The following EARS2 variants were observed in gnomAD, a reference collection of about 807,000 sequenced individuals.
EARS2 encodes the protein nondiscriminating glutamyl-tRNA synthetase EARS2, mitochondrial.
EARS2 carries 50 observed loss-of-function variants against 54.1 expected under a neutral mutation model. The ratio of observed to expected loss-of-function variants is 0.92; its 90% CI spans 0.74 to 1.17. The LOEUF (loss-of-function observed/expected upper bound fraction) is 1.17. Ranked by LOEUF, EARS2 falls within the 50% of genes most tolerant of loss-of-function variation. The pLI, the probability that EARS2 is intolerant of heterozygous loss-of-function variation, is 0.00. For synonymous variants in EARS2, 298 were observed against 281.0 expected, an observed-to-expected ratio of 1.06 and a Z score of -0.61; for missense variants, 673 against 675.0, an observed-to-expected ratio of 1.00 and a Z score of 0.03.
chr16:23,523,162 T>C lies in EARS2; in HGVS notation c.*1209A>G, dbSNP rs1024780924. On this transcript the variant is annotated 3_prime_UTR_variant, in exon 9 of 9. Coordinates refer to ENST00000449606, the MANE Select transcript of EARS2 (RefSeq NM_001083614.2). The stretch of plus-strand genomic sequence containing the variant: ...GGGTGTGAATAGAAGAAGGCAGGGA[T>C]GGTTGGGGGCCAACTTAGAGGCTGG... 3.3e-5 allele frequency: 5 copies of C among 152,294 alleles called. No homozygotes were observed. Among genetic ancestry groups the C allele is most frequent in the African/African-American group, 4.8e-5 (2 of 41,458 alleles). The allele number at this position is 152,294 out of a possible 1,614,324, so 9.4% of individuals were successfully genotyped here. A position where few individuals can be genotyped will look rare whatever the true frequency, so the allele number is the denominator to read the frequency against.
At chr16:23,539,161 T>C (rs546036173) in intron 3 of EARS2, among the ~76,000 whole-genome samples, 67 of 152,012 alleles carry the variant, frequency 4.4e-4, no homozygotes, top group African/African-American at 1.5e-3. Context: ...TACTTTAATA[T>C]AGATAGGGTT....
At position 23,520,760 on chromosome 16, in the gene EARS2, A is replaced by G. The variant is rs976402154; in HGVS notation, c.*3611T>C. Among the ~76,000 whole-genome samples, 5 of 151,428 alleles carry G rather than the reference A, an allele frequency of 3.3e-5. No individual in the cohort carries two copies. The highest frequency in any genetic ancestry group is 6.6e-5 in the Admixed American group (1 of 15,218). ...ATAGCACAGCACACTTCACTTGAGG[A>G]AGTAGCAACAGCTTTATTAATTTCG... On this transcript the variant is annotated 3_prime_UTR_variant, in exon 9 of 9. Transcript: ENST00000449606.
At chr16:23,554,396 G>A (rs956849033) in intron 1 of EARS2, among the ~76,000 whole-genome samples, 1 of 152,126 alleles carries the variant, frequency 6.6e-6, no homozygotes, top group Non-Finnish European at 1.5e-5. Flanking sequence ...CTCTTCATCA[G>A]TTTAAACTCC....
intron 3 of EARS2, among the ~76,000 whole-genome samples, chr16:23,539,508 T>C (rs536680876): frequency 2.4e-4 from 37 of 152,318 alleles, no homozygotes; most frequent in African/African-American, 8.9e-4. Flanking sequence ...GTTGTTACCT[T>C]ACTGTTTAGT....
At chr16:23,545,588 G>A (rs11643602) in intron 2 of EARS2, among the ~76,000 whole-genome samples, 112,379 of 152,062 alleles carry the variant, frequency 0.74, 42,035 homozygotes, top group Non-Finnish European at 0.81. Flanking sequence ...GAAGGGGCAC[G>A]ATCAGCTTCA....
intron 3 of EARS2, among the ~76,000 whole-genome samples, chr16:23,538,238 C>A (rs1965457625): frequency 6.6e-6 from 1 of 152,108 alleles, no homozygotes. Flanking sequence ...GCGGCGTGAT[C>A]TTGGCTCACT....
intron 2 of EARS2, among the ~76,000 whole-genome samples, chr16:23,545,886 A>C (rs528557426): frequency 6.6e-6 from 1 of 152,224 alleles, no homozygotes; most frequent in African/African-American, 2.4e-5. Context: ...GCAGTAGTGC[A>C]ATCATAGCTC....
chr16:23,540,556 C>T (rs1965495303), intron 3 of EARS2, among the ~76,000 whole-genome samples: 1 of 152,246 alleles, frequency 6.6e-6, no homozygotes, highest in African/African-American at 2.4e-5. Flanking sequence ...GGAAGGTATT[C>T]AGCAAACATA....
intron 1 of EARS2, among the ~76,000 whole-genome samples, chr16:23,554,023 G>A (rs57549057): frequency 0.097 from 14,744 of 151,876 alleles, 1,154 homozygotes; most frequent in African/African-American, 0.21. Flanking sequence ...ATTCATTTTT[G>A]AAATTTGAGA....
At chr16:23,556,971 A>G in intron 1 of EARS2, 1 of 716,728 alleles carries the variant, frequency 1.4e-6, no homozygotes, top group South Asian at 1.5e-5. Context: ...GGAATGCATG[A>G]AAAAAAGATC....
At chr16:23,556,257 G>C (rs149653133) in intron 1 of EARS2, among the ~76,000 whole-genome samples, 1 of 152,150 alleles carries the variant, frequency 6.6e-6, no homozygotes, top group Admixed American at 6.5e-5. Context: ...ATCTCCAACA[G>C]GCTATACAAT....
chr16:23,548,272 T>TAAATAAATAAATAAAA (rs1555504409), intron 2 of EARS2, among the ~76,000 whole-genome samples: 2 of 146,500 alleles, frequency 1.4e-5, no homozygotes, highest in South Asian at 4.3e-4. Flanking sequence ...AATAAATAAA[T>TAAATAAATAAATAAAA]AAAATGAAAA....
Position 23,532,667 on chromosome 16 carries a change from C to A in EARS2, c.1057G>T (p.Glu353Ter), listed in dbSNP as rs769302477. ...SALLDLEKLPEFNRLHLQRLV... is the reference protein window; with the variant it reads ...SALLDLEKLP Reference sequence around the variant, plus strand: ...ATGCTCCCCACTCACCTGTTGAATTCTGGGAGCTTCTCCAGGTCCAGCAGG... The same window carrying A: ...ATGCTCCCCACTCACCTGTTGAATTATGGGAGCTTCTCCAGGTCCAGCAGG... The change falls in exon 5 of 9, where the codon GAA (glutamate) becomes TAA (stop). Residue 353 changes from glutamate to a stop codon, truncating the protein, a stop_gained. Transcript: ENST00000449606. LOFTEE classifies it high-confidence loss of function. 1.2e-6 allele frequency: 2 copies of A among 1,613,756 alleles called. No homozygotes were observed. The highest frequency in any genetic ancestry group is 2.2e-5 in the South Asian group (2 of 90,984).
Position 23,534,939 on chromosome 16 carries a change from G to A in EARS2, c.907C>T (p.Leu303=), listed in dbSNP as rs1965388066. 1 of 1,605,926 alleles carries A rather than the reference G, an allele frequency of 6.2e-7. No individual in the cohort carries two copies. Among genetic ancestry groups the A allele is most frequent in the African/African-American group, 1.3e-5 (1 of 74,866 alleles). Residue 303 remains leucine (L), a synonymous_variant, in exon 4 of 9, where the codon CTG becomes TTG. Coordinates refer to ENST00000449606, the MANE Select transcript of EARS2 (RefSeq NM_001083614.2). ...ATGATGTCCAACAAGGAATCGGGCA[G>A]GAAGCCATCAGCAGCAAAGTGCTCC... ...FLEHFAADGF[L]PDSLLDIITN...
intron 7 of EARS2, among the ~76,000 whole-genome samples, chr16:23,528,626 C>G (rs1429588518): frequency 1.3e-5 from 2 of 152,258 alleles, no homozygotes; most frequent in East Asian, 3.8e-4. Context: ...CCTGGCCAGG[C>G]ACTATGGCTC....
rs1965211933 is a variant in EARS2 at position 23,525,459 on chromosome 16, GATC to G, written c.1353-83_1353-81del. The G allele has an allele frequency of 4.8e-6, 7 of 1,458,620 alleles. No individual in the cohort carries two copies. The Admixed American group carries it at 1.4e-4, about 30-fold the overall frequency. The allele number at this position is 1,458,620 out of a possible 1,614,324, so 90.4% of individuals were successfully genotyped here. ...GGAGGAAGGGCTTCAGAAGGTTATT[GATC>G]AGCTACAGTACGAGCAGCACAACCA... On this transcript the variant is annotated intron_variant, in intron 7 of 8. Coordinates refer to ENST00000449606, the MANE Select transcript of EARS2 (RefSeq NM_001083614.2).
rs1236117685 is a variant in EARS2, at chr16:23,532,755, C to T, written c.969G>A (p.Met323Ile). The T allele has an allele frequency of 6.2e-7, 1 of 1,613,026 alleles. No homozygotes were observed. Residue 323 changes from methionine (M) to isoleucine (I), a missense_variant, in exon 5 of 9, where the codon ATG (methionine) becomes ATA (isoleucine). Transcript: ENST00000449606. ...NCGSGFAENQ[M>I]GRTLPELITQ... ...TGATCAGCTCCGGCAGGGTCCTGCC[C>T]ATTTGGTTCTCTGCAAAGAAGAGAG...
intron 1 of EARS2, 114 bp downstream of exon 1, chr16:23,557,091 C>T (rs1237025349): frequency 2.1e-6 from 3 of 1,426,980 alleles, no homozygotes; most frequent in East Asian, 2.4e-5. Context: ...GCTGCCTTAA[C>T]CCTCCTCCGC....
chr16:23,552,646 C>G (rs183319909), intron 1 of EARS2, among the ~76,000 whole-genome samples: 33 of 152,364 alleles, frequency 2.2e-4, no homozygotes, highest in Admixed American at 4.6e-4. Flanking sequence ...TGTGCCACCA[C>G]GTCCAGCTAC....
Sources: gnomAD v4.1 joint callset for allele counts (sites outside exome capture counted in the v4.1 genomes callset) on GRCh38, gnomAD v4.1.1 for gene constraint, MANE v1.5 for transcripts, NCBI Gene and HGNC (gene_info 2026-07-23, HGNC 2026-07-21) for gene names.